Variants in CDR2 observed in about 807,000 individuals in gnomAD.
CDR2 encodes cerebellar degeneration-related protein 2.
In CDR2, 34 loss-of-function variants were observed where a neutral mutation model predicts 48.4. The observed-to-expected ratio is 0.70, with a 90% CI of 0.53 to 0.94. The LOEUF (loss-of-function observed/expected upper bound fraction) is 0.94, where lower values mean the gene tolerates loss of function less well. CDR2 is among the 40% of genes least tolerant of loss of function. The pLI is 0.00. For synonymous variants in CDR2, 240 were observed against 219.7 expected (o/e 1.09, Z -0.82); for missense variants, 498 against 549.5 (o/e 0.91, Z 0.94).
chr16:22,367,259 C>T (rs2049049921), intron 1 of CDR2: 1 of 152,256 alleles, frequency 6.6e-6, no homozygotes, highest in Non-Finnish European at 1.5e-5. Flanking sequence ...AACTTCTGGC[C>T]TCAACACATC....
intron 1 of CDR2, among the ~76,000 whole-genome samples, chr16:22,369,864 T>C (rs930976834): frequency 2.2e-4 from 33 of 152,200 alleles, no homozygotes; most frequent in Non-Finnish European, 2.6e-4. Flanking sequence ...GGAAATAATA[T>C]AGTTTCGAAG....
At chr16:22,372,686 T>C (rs148721657) in intron 1 of CDR2, among the ~76,000 whole-genome samples, 45 of 152,308 alleles carry the variant, frequency 3.0e-4, no homozygotes, top group African/African-American at 9.9e-4. Flanking sequence ...ATTTGTCTCT[T>C]GGACATAAAG....
chr16:22,347,101 G>C lies in CDR2; in HGVS notation c.1229C>G (p.Pro410Arg), dbSNP rs1268304577. ...TGTTGTAGGGGAACTCACGGGCTCT[G>C]GGTTGACAGAGGCCAGTTCCCAGCC... ...ASGWELASVN[P>R]EPVSSPTTPP... Residue 410 changes from proline to arginine, a missense_variant, in exon 5 of 5, where the codon CCA (proline) becomes CGA (arginine). By Grantham distance (103) the Pro-to-Arg change is moderately radical (BLOSUM62 -2). Coordinates refer to ENST00000268383, the MANE Select transcript of CDR2 (RefSeq NM_001802.2). The C allele has an allele frequency of 1.2e-6, 2 of 1,614,186 alleles. No individual in the cohort carries two copies. Among genetic ancestry groups the C allele is most frequent in the Non-Finnish European group, 1.7e-6 (2 of 1,180,020 alleles).
rs554898986 is a variant in CDR2 at position 22,346,730 on chromosome 16, C to T, written c.*235G>A. ...TTCAGGAACTGAAGTCTAATCAGCGCGCCAGCCAGAGGCCAGTTTGTCATG... is the reference window on the plus strand; with the variant it reads ...TTCAGGAACTGAAGTCTAATCAGCGTGCCAGCCAGAGGCCAGTTTGTCATG... On this transcript the variant is annotated 3_prime_UTR_variant, in exon 5 of 5. Transcript: ENST00000268383. The T allele has an allele frequency of 4.5e-5, 24 of 535,872 alleles. No homozygotes were observed. The highest frequency in any genetic ancestry group is 5.7e-5 in the Non-Finnish European group (17 of 299,556). The allele number at this position is 535,872 out of a possible 1,614,324, so 33.2% of individuals were successfully genotyped here.
chr16:22,364,450 T>C (rs754339967), intron 2 of CDR2, among the ~76,000 whole-genome samples: 5 of 152,120 alleles, frequency 3.3e-5, no homozygotes, highest in African/African-American at 9.7e-5. Context: ...GGAGGAGGTA[T>C]AAGTTCCCTC....
chr16:22,347,658 C>T lies in CDR2; in HGVS notation c.672G>A (p.Gly224=). 3 of 1,614,080 alleles carry T rather than the reference C, an allele frequency of 1.9e-6. No individual in the cohort carries two copies. The highest frequency in any genetic ancestry group is 2.5e-6 in the Non-Finnish European group (3 of 1,180,032). The change falls in exon 5 of 5, where the codon GGG becomes GGA. Residue 224 remains glycine (G), a synonymous_variant. Coordinates refer to ENST00000268383, the MANE Select transcript of CDR2 (RefSeq NM_001802.2). ...GTTCACTGTTCTCCTTTAACACGAG[C>T]CCATATTCCTCCTCCATAGTCACCC... ...QKRVTMEEEY[G]LVLKENSELE...
chr16:22,357,760 C>T (rs1328160360), intron 2 of CDR2, among the ~76,000 whole-genome samples: 2 of 152,166 alleles, frequency 1.3e-5, no homozygotes, highest in African/African-American at 4.8e-5. Flanking sequence ...ATACAGGAAA[C>T]AAGTCAATAT....
rs1005185882 is a variant in CDR2 at position 22,346,448 on chromosome 16, G to A, written c.*517C>T. 1.3e-5 allele frequency: 2 copies of A among 155,908 alleles called. No individual in the cohort carries two copies. The highest frequency in any genetic ancestry group is 2.9e-5 in the Non-Finnish European group (2 of 70,080). 9.7% of individuals were successfully genotyped at this position (155,908 alleles called of 1,614,324 possible). A position where few individuals can be genotyped will look rare whatever the true frequency, so the allele number is the denominator to read the frequency against. On this transcript the variant is annotated 3_prime_UTR_variant, in exon 5 of 5. Coordinates refer to ENST00000268383, the MANE Select transcript of CDR2 (RefSeq NM_001802.2). ...ATATAACAAAACTCAAGGACTTGGA[G>A]TATTGGTTAATGACATTTCTTTTGG... is the stretch of plus-strand genomic sequence containing the variant.
At position 22,361,092 on chromosome 16, in the gene CDR2, G is replaced by A. The variant is rs191030664; in HGVS notation, c.192+3810C>T. On this transcript the variant is annotated intron_variant, in intron 2 of 4. Transcript: ENST00000268383. Reference sequence around the variant, plus strand: ...TAATTCCCAATAAACATTCTAAACAGTTACTTTAAAACTTGTACAAGTGAT... The same window carrying A: ...TAATTCCCAATAAACATTCTAAACAATTACTTTAAAACTTGTACAAGTGAT... Among the ~76,000 whole-genome samples the A allele has an allele frequency of 3.4e-3, 510 of 152,184 alleles. 2 individuals are homozygous for A. Among genetic ancestry groups the A allele is most frequent in the Non-Finnish European group, 5.7e-3 (388 of 67,994 alleles).
At chr16:22,360,819 G>A (rs778587273) in intron 2 of CDR2, among the ~76,000 whole-genome samples, 6 of 136,470 alleles carry the variant, frequency 4.4e-5, no homozygotes, top group South Asian at 4.4e-4. Context: ...GCAGGATCTC[G>A]GCTCACTGTG....
intron 2 of CDR2, among the ~76,000 whole-genome samples, chr16:22,358,228 TTC>T (rs1410331741): frequency 2.6e-5 from 4 of 152,210 alleles, no homozygotes; most frequent in African/African-American, 9.6e-5. Context: ...CATGCTGGTT[TTC>T]TCTTTGATAC....
At chr16:22,373,431 G>T (rs1318533235) in intron 1 of CDR2, among the ~76,000 whole-genome samples, 1 of 152,200 alleles carries the variant, frequency 6.6e-6, no homozygotes, top group African/African-American at 2.4e-5. Context: ...GGATGGTAAG[G>T]AAGAGATGGG....
At chr16:22,347,938 T>C in intron 4 of CDR2, 115 bp from the exon 5 acceptor site, 1 of 942,252 alleles carries the variant, frequency 1.1e-6, no homozygotes, top group Non-Finnish European at 1.5e-6. Flanking sequence ...CAGTGACTAA[T>C]TTTTTTTTCT....
In CDR2 at chr16:22,347,299, G is replaced by C; in HGVS notation, c.1031C>G (p.Ser344Cys). 6.2e-7 allele frequency: 1 copy of C among 1,614,236 alleles called. No homozygotes were observed. The highest frequency in any genetic ancestry group is 8.5e-7 in the Non-Finnish European group (1 of 1,180,040). ...CTGCGTGTCCACTTCGTGCAGAAGG[G>C]AGATGCCCCTCTGTTTCACAGCCTT... is the stretch of plus-strand genomic sequence containing the variant. Reference protein sequence around the residue: ...RAKAVKQRGISLLHEVDTQYS... With the variant: ...RAKAVKQRGICLLHEVDTQYS... The change falls in exon 5 of 5, where the codon TCC becomes TGC. Residue 344 changes from serine to cysteine, a missense_variant. Coordinates refer to ENST00000268383, the MANE Select transcript of CDR2 (RefSeq NM_001802.2).
At chr16:22,367,192 T>A (rs1404751550) in intron 1 of CDR2, 1 of 152,292 alleles carries the variant, frequency 6.6e-6, no homozygotes, top group Non-Finnish European at 1.5e-5. Flanking sequence ...CCCAGCTTAC[T>A]TACTTACTGA....
At position 22,349,665 on chromosome 16, in the gene CDR2, C is replaced by A. The variant is rs1229653797; in HGVS notation, c.341+36G>T. 5 of 1,608,494 alleles carry A rather than the reference C, an allele frequency of 3.1e-6. No individual in the cohort carries two copies. In the South Asian group the frequency reaches 5.5e-5, roughly 18 times the overall value. ...TTCTAGTTTATACTAAAGAACTTCC[C>A]CCTAGTCCTTCCTTGTCAGATTCTA... On this transcript the variant is annotated intron_variant, in intron 3 of 4. Transcript: ENST00000268383.
chr16:22,368,267 T>A (rs570198621), intron 1 of CDR2, among the ~76,000 whole-genome samples: 1 of 152,178 alleles, frequency 6.6e-6, no homozygotes, highest in Non-Finnish European at 1.5e-5. Context: ...TGGAGGGCAG[T>A]GGTGCGATCT....
intron 2 of CDR2, among the ~76,000 whole-genome samples, chr16:22,357,083 T>C (rs2048979693): frequency 6.6e-6 from 1 of 151,886 alleles, no homozygotes; most frequent in Admixed American, 6.6e-5. Flanking sequence ...TGAGATGGAG[T>C]CTCACTCTGT....
chr16:22,368,725 T>C (rs1424692543), intron 1 of CDR2: 2 of 152,192 alleles, frequency 1.3e-5, no homozygotes, highest in African/African-American at 2.4e-5. Flanking sequence ...TTTAAGGCAA[T>C]TGAAAGAGAG....
Sources: gnomAD v4.1 joint callset for allele counts (sites outside exome capture counted in the v4.1 genomes callset) on GRCh38, gnomAD v4.1.1 for gene constraint, MANE v1.5 for transcripts, NCBI Gene and HGNC (gene_info 2026-07-23, HGNC 2026-07-21) for gene names.